The following DENND1A variants were observed in gnomAD, a reference collection of about 807,000 sequenced individuals.
DENND1A encodes the protein DENN domain-containing protein 1A.
In DENND1A, 51 loss-of-function variants were observed where a neutral mutation model predicts 113.7. The ratio of observed to expected loss-of-function variants is 0.45; its 90% CI spans 0.36 to 0.57. The LOEUF is 0.57. Ranked by LOEUF, DENND1A falls within the 20% of genes least tolerant of loss-of-function variation. The probability of loss-of-function intolerance (pLI) is 0.00; values close to 1 mark genes in which losing one functional copy is unlikely to be tolerated. For missense variants in DENND1A, 1,258 were observed against 1,395.9 expected, an observed-to-expected ratio of 0.90 and a Z score of 1.57; for synonymous variants, 565 against 570.8, an observed-to-expected ratio of 0.99 and a Z score of 0.14.
chr9:123,490,711 A>G (rs2051296561), intron 13 of DENND1A, among the ~76,000 whole-genome samples: 1 of 152,196 alleles, frequency 6.6e-6, no homozygotes, highest in East Asian at 1.9e-4. Flanking sequence ...TTCATAATGT[A>G]TTTTATTTTA....
At chr9:123,614,491 C>T (rs533459870) in intron 10 of DENND1A, among the ~76,000 whole-genome samples, 6 of 152,284 alleles carry the variant, frequency 3.9e-5, no homozygotes, top group African/African-American at 1.4e-4. Flanking sequence ...TGTTTAATTC[C>T]TTTCCCCCAG....
At chr9:123,413,620 G>A in intron 19 of DENND1A, 1 of 985,548 alleles carries the variant, frequency 1.0e-6, no homozygotes, top group Non-Finnish European at 1.2e-6. Context: ...GGGTTCCCTG[G>A]CGGCACATGG....
intron 18 of DENND1A, 56 bp from the exon 19 acceptor site, chr9:123,440,547 C>T: frequency 1.3e-6 from 2 of 1,503,410 alleles, no homozygotes; most frequent in South Asian, 2.6e-5. Context: ...CCCATGTTCC[C>T]TCTCACCCCA....
At chr9:123,398,027 C>T (rs2043223964) in intron 21 of DENND1A, among the ~76,000 whole-genome samples, 1 of 152,220 alleles carries the variant, frequency 6.6e-6, no homozygotes, top group Non-Finnish European at 1.5e-5. Context: ...GCTCTGCATG[C>T]AGGTTGTCAG....
chr9:123,584,726 C>T (rs1376797454), intron 11 of DENND1A, among the ~76,000 whole-genome samples: 1 of 152,216 alleles, frequency 6.6e-6, no homozygotes, highest in African/African-American at 2.4e-5. Flanking sequence ...GAGGCAACCA[C>T]AGGCCTGGCT....
At chr9:123,556,386 CTT>C (rs2057414729) in intron 13 of DENND1A, among the ~76,000 whole-genome samples, 1 of 152,136 alleles carries the variant, frequency 6.6e-6, no homozygotes, top group African/African-American at 2.4e-5. Context: ...TGCTGTTACT[CTT>C]TGTGTTTTAC....
chr9:123,770,894 C>T (rs1829626353), intron 3 of DENND1A, among the ~76,000 whole-genome samples: 1 of 152,170 alleles, frequency 6.6e-6, no homozygotes, highest in Admixed American at 6.5e-5. Flanking sequence ...AAATAAACCA[C>T]ATCAATCTAA....
intron 3 of DENND1A, among the ~76,000 whole-genome samples, chr9:123,787,900 C>T (rs778069633): frequency 6.6e-5 from 10 of 152,012 alleles, no homozygotes; most frequent in South Asian, 4.1e-4. Flanking sequence ...TTTCTATAAA[C>T]GCATAAAGAT....
intron 1 of DENND1A, among the ~76,000 whole-genome samples, chr9:123,925,707 T>C (rs963650229): frequency 3.3e-5 from 5 of 152,186 alleles, no homozygotes; most frequent in African/African-American, 7.2e-5. Flanking sequence ...AGTAGGTAAA[T>C]GGATGAATAA....
chr9:123,639,062 A>G (rs2061877032), intron 9 of DENND1A, among the ~76,000 whole-genome samples: 1 of 148,450 alleles, frequency 6.7e-6, no homozygotes, highest in Admixed American at 6.7e-5. Context: ...AAAAAAAAAA[A>G]AAAAGAAAGA....
chr9:123,555,106 G>A (rs1431099055), intron 13 of DENND1A, among the ~76,000 whole-genome samples: 3 of 152,128 alleles, frequency 2.0e-5, no homozygotes, highest in African/African-American at 7.2e-5. Context: ...GAGACATTTT[G>A]ACACTTCTTG....
At chr9:123,483,577 T>C (rs1398833942) in intron 13 of DENND1A, among the ~76,000 whole-genome samples, 1 of 152,262 alleles carries the variant, frequency 6.6e-6, no homozygotes. Flanking sequence ...ACACCAAGTC[T>C]GCCAGGGTCT....
chr9:123,867,123 C>T (rs1248803588), intron 2 of DENND1A, among the ~76,000 whole-genome samples: 1 of 152,104 alleles, frequency 6.6e-6, no homozygotes, highest in African/African-American at 2.4e-5. Context: ...GTAAAGCTTT[C>T]TTTTTCTAAA....
At chr9:123,924,971 G>T (rs1856849115) in intron 1 of DENND1A, among the ~76,000 whole-genome samples, 1 of 152,162 alleles carries the variant, frequency 6.6e-6, no homozygotes, top group South Asian at 2.1e-4. Context: ...CATCTCCACA[G>T]TGAGGCCTTC....
At chr9:123,562,659 A>T (rs1163907431) in intron 12 of DENND1A, among the ~76,000 whole-genome samples, 1 of 152,224 alleles carries the variant, frequency 6.6e-6, no homozygotes, top group Non-Finnish European at 1.5e-5. Context: ...TGTTTTGATT[A>T]TCCTTTATAA....
intron 1 of DENND1A, among the ~76,000 whole-genome samples, chr9:123,902,695 T>C (rs181752485): frequency 2.3e-3 from 343 of 152,060 alleles, no homozygotes; most frequent in African/African-American, 7.3e-3. Context: ...AGAAATATGC[T>C]TCAGGAAACT....
chr9:123,581,571 G>A (rs1049269390), intron 12 of DENND1A, among the ~76,000 whole-genome samples: 1 of 151,950 alleles, frequency 6.6e-6, no homozygotes, highest in Non-Finnish European at 1.5e-5. Context: ...GCTGCAGTGA[G>A]CTAAGATAGT....
chr9:123,829,450 TAAC>T (rs751761014), intron 2 of DENND1A, among the ~76,000 whole-genome samples: 52 of 150,874 alleles, frequency 3.4e-4, no homozygotes, highest in Non-Finnish European at 6.1e-4. Context: ...GAAAACACAG[TAAC>T]AACAACAACA....
chr9:123,651,421 C>T (rs1007358332), intron 9 of DENND1A, among the ~76,000 whole-genome samples: 3 of 152,270 alleles, frequency 2.0e-5, no homozygotes, highest in Non-Finnish European at 2.9e-5. Context: ...CGCACACACA[C>T]ACTCTCTCTC....
Sources: allele counts gnomAD v4.1 joint callset (sites outside exome capture counted in the v4.1 genomes callset), GRCh38; gene constraint gnomAD v4.1.1; transcripts MANE v1.5; gene names NCBI Gene and HGNC (gene_info 2026-07-23, HGNC 2026-07-21).